Variants in RABGAP1 observed in about 807,000 individuals in gnomAD.
The protein encoded by RABGAP1 is rab GTPase-activating protein 1.
RABGAP1 carries 23 observed loss-of-function variants against 137.6 expected under a neutral mutation model. That is an observed-to-expected ratio of 0.17 (90% CI 0.12 to 0.24). RABGAP1 has a LOEUF of 0.24. Ranked by LOEUF, RABGAP1 falls within the 10% of genes least tolerant of loss-of-function variation. The pLI, the probability that RABGAP1 is intolerant of heterozygous loss-of-function variation, is 1.00. For missense variants in RABGAP1, 906 were observed against 1,275.8 expected (o/e 0.71, Z 4.42); for synonymous variants, 451 against 450.7 (o/e 1.00, Z -0.01).
chr9:123,045,971 T>A (rs2033189066), intron 13 of RABGAP1, among the ~76,000 whole-genome samples: 1 of 152,204 alleles, frequency 6.6e-6, no homozygotes, highest in Non-Finnish European at 1.5e-5. Context: ...TCCAATGACT[T>A]CCAGGTCCTG....
intron 2 of RABGAP1, among the ~76,000 whole-genome samples, chr9:122,969,491 T>A (rs940593422): frequency 2.0e-5 from 3 of 152,248 alleles, no homozygotes; most frequent in African/African-American, 7.2e-5. Flanking sequence ...TGTATAGAAC[T>A]GGAATTGAGG....
chr9:122,987,340 A>T (rs1411066528), intron 4 of RABGAP1, among the ~76,000 whole-genome samples: 1 of 152,150 alleles, frequency 6.6e-6, no homozygotes, highest in Non-Finnish European at 1.5e-5. Context: ...ATGCTTATTT[A>T]AAAAAATTGC....
rs777408734 is a variant in RABGAP1, at chr9:122,984,694, C to A, written c.360C>A (p.Ser120Arg). ...TAGGGCTCCAAAAACCAGAGATGAG[C>A]CTACCAGTGAAACCTGGACAAGGAG... ...PLVGLQKPEM[S>R]LPVKPGQGDS... The change falls in exon 3 of 26, where the codon AGC (serine) becomes AGA (arginine). Residue 120 changes from serine (S) to arginine (R), a missense_variant. Around this residue, in one of 9 missense-constraint regions of RABGAP1, gnomAD observed 331 missense variants for 358.3 expected, o/e 0.92. Transcript: ENST00000373647. 3 of 1,613,888 alleles carry A rather than the reference C, an allele frequency of 1.9e-6. No homozygotes were observed. The African/African-American group carries it at 4.0e-5, about 22-fold the overall frequency.
At chr9:122,955,709 G>A (rs964206000) in intron 1 of RABGAP1, among the ~76,000 whole-genome samples, 5 of 152,036 alleles carry the variant, frequency 3.3e-5, no homozygotes, top group Admixed American at 6.6e-5. Context: ...TAATACTCAG[G>A]GATTGTGTAG....
At chr9:123,091,668 T>C (rs2035036136) in intron 21 of RABGAP1, among the ~76,000 whole-genome samples, 1 of 151,994 alleles carries the variant, frequency 6.6e-6, no homozygotes, top group Admixed American at 6.5e-5. Context: ...GTTAGCGCCC[T>C]CTGCTTGTCT....
chr9:122,975,818 T>C (rs1835733328), intron 2 of RABGAP1, among the ~76,000 whole-genome samples: 1 of 152,150 alleles, frequency 6.6e-6, no homozygotes, highest in South Asian at 2.1e-4. Context: ...CTAATAACAA[T>C]CCTGTGAGAT....
At position 122,989,293 on chromosome 9, in the gene RABGAP1, A is replaced by G. The variant is rs1194006997; in HGVS notation, c.591-4A>G. On this transcript the variant is annotated splice_region_variant and splice_polypyrimidine_tract_variant and intron_variant, in intron 4 of 25. Coordinates refer to ENST00000373647, the MANE Select transcript of RABGAP1 (RefSeq NM_012197.4). ...AATCTCTCTGTATCTTTTTCTCTGAACAGACTCTTAGATCCTCAGACAAAC... is the reference window on the plus strand; with the variant it reads ...AATCTCTCTGTATCTTTTTCTCTGAGCAGACTCTTAGATCCTCAGACAAAC... 1 of 1,610,580 alleles carries G rather than the reference A, an allele frequency of 6.2e-7. No individual in the cohort carries two copies. The highest frequency in any genetic ancestry group is 1.7e-5 in the Admixed American group (1 of 60,012).
At chr9:122,943,336 AGGGATTACAG>A (rs1833727727) in intron 1 of RABGAP1, among the ~76,000 whole-genome samples, 1 of 151,918 alleles carries the variant, frequency 6.6e-6, no homozygotes, top group Non-Finnish European at 1.5e-5. Context: ...CCCAAAGTGC[AGGGATTACAG>A]GCGTGAGCCA....
At chr9:122,985,086 C>G (rs1477678085) in intron 3 of RABGAP1, among the ~76,000 whole-genome samples, 1 of 151,826 alleles carries the variant, frequency 6.6e-6, no homozygotes, top group Non-Finnish European at 1.5e-5. Flanking sequence ...CAGATGTTTG[C>G]TCCAGACCTA....
chr9:122,997,561 A>C (rs547862733), intron 9 of RABGAP1, among the ~76,000 whole-genome samples, 200 bp downstream of exon 9: 1 of 144,040 alleles, frequency 6.9e-6, no homozygotes, highest in African/African-American at 2.4e-5. Context: ...CCTTTTTTTC[A>C]TTTTTTCCTT....
rs2031563282 is a variant in RABGAP1, at chr9:123,020,577, C to CT, written c.1794+119dup. 25 of 1,026,956 alleles carry CT rather than the reference C, an allele frequency of 2.4e-5. 1 individual carries two copies. The South Asian group carries it at 7.9e-4, about 32-fold the overall frequency. 63.6% of individuals were successfully genotyped at this position (1,026,956 alleles called of 1,614,324 possible). On this transcript the variant is annotated intron_variant, in intron 13 of 25. Transcript: ENST00000373647. Reference sequence around the variant, plus strand: ...ATTATTAATTTATTTAAGAATAGAACTGTTAATACTTCCAGCTCTAACATG... The same window carrying CT: ...ATTATTAATTTATTTAAGAATAGAACTTGTTAATACTTCCAGCTCTAACATG...
rs2031053249 is a variant in RABGAP1 at position 123,014,326 on chromosome 9, T to A, written c.1550-1217T>A. 2.6e-5 allele frequency among the ~76,000 whole-genome samples: 4 copies of A among 152,238 alleles called. No individual in the cohort carries two copies. The South Asian group carries it at 8.3e-4, about 32-fold the overall frequency. On this transcript the variant is annotated intron_variant, in intron 11 of 25. Transcript: ENST00000373647. ...TAATTGAATTAAATTAGAAACGATT[T>A]AATTTGGCCTTTTAAAGTATGTTTG...
At chr9:122,983,222 G>T (rs556819639) in intron 2 of RABGAP1, among the ~76,000 whole-genome samples, 4 of 151,386 alleles carry the variant, frequency 2.6e-5, no homozygotes, top group South Asian at 2.1e-4. Flanking sequence ...AAGAAATTCA[G>T]TTGCACTTGT....
chr9:123,082,575 G>C (rs2034743590), intron 19 of RABGAP1, among the ~76,000 whole-genome samples: 2 of 152,198 alleles, frequency 1.3e-5, no homozygotes, highest in Non-Finnish European at 2.9e-5. Context: ...GGCTAGTTTA[G>C]AAGACCCAAG....
rs2031538774 is a variant in RABGAP1 at position 123,020,257 on chromosome 9, T to C, written c.1644-52T>C. Reference sequence around the variant, plus strand: ...TGACTTTGATAAAAGTAACATTCTTTAGAGAATCTTATCTTCCTTTTATGA... The same window carrying C: ...TGACTTTGATAAAAGTAACATTCTTCAGAGAATCTTATCTTCCTTTTATGA... On this transcript the variant is annotated intron_variant, in intron 12 of 25. Coordinates refer to ENST00000373647, the MANE Select transcript of RABGAP1 (RefSeq NM_012197.4). 3.7e-6 allele frequency: 5 copies of C among 1,360,298 alleles called. No homozygotes were observed. The East Asian group carries it at 7.7e-5, about 21-fold the overall frequency. The allele number at this position is 1,360,298 out of a possible 1,614,324, so 84.3% of individuals were successfully genotyped here.
rs1837159786 is a variant in RABGAP1, at chr9:122,998,583, C to CT, written c.1205-11dup. ...TCTGATTTACCTCTTCAGCCTCTCTCTTTCTTTGTTTAGATAAAGTCCTGT... is the reference window on the plus strand; with the variant it reads ...TCTGATTTACCTCTTCAGCCTCTCTCTTTTCTTTGTTTAGATAAAGTCCTGT... On this transcript the variant is annotated splice_polypyrimidine_tract_variant and intron_variant, in intron 9 of 25. Transcript: ENST00000373647. The CT allele has an allele frequency of 6.6e-7, 1 of 1,521,064 alleles. No homozygotes were observed. The highest frequency in any genetic ancestry group is 1.9e-5 in the Admixed American group (1 of 52,438). The allele number at this position is 1,521,064 out of a possible 1,614,324, so 94.2% of individuals were successfully genotyped here.
chr9:123,035,247 A>G, intron 13 of RABGAP1: 1 of 1,614,202 alleles, frequency 6.2e-7, no homozygotes, highest in Non-Finnish European at 8.5e-7. Context: ...ATATCAGCGA[A>G]AGGCAAGCCC....
At chr9:122,979,073 A>G (rs1835914389) in intron 2 of RABGAP1, among the ~76,000 whole-genome samples, 1 of 151,736 alleles carries the variant, frequency 6.6e-6, no homozygotes, top group Non-Finnish European at 1.5e-5. Context: ...AATTTTTTAA[A>G]TTTTTGTAGA....
chr9:123,061,520 C>G (rs773473782), intron 13 of RABGAP1, among the ~76,000 whole-genome samples: 8 of 152,206 alleles, frequency 5.3e-5, no homozygotes, highest in Non-Finnish European at 1.2e-4. Context: ...AACTGCAGCA[C>G]TGAATGGCTT....
Sources: gnomAD v4.1 joint callset for allele counts (sites outside exome capture counted in the v4.1 genomes callset) on GRCh38, gnomAD v4.1.1 for gene constraint, gnomAD v4.1.1 regional missense constraint, MANE v1.5 for transcripts, NCBI Gene and HGNC (gene_info 2026-07-23, HGNC 2026-07-21) for gene names.